Variants in ZMAT1 observed in about 807,000 individuals in gnomAD.
ZMAT1 encodes zinc finger matrin-type 1, also known as zinc finger matrin-type protein 1.
Under a neutral mutation model 18.5 loss-of-function variants are expected in ZMAT1, and 11 were observed. The observed-to-expected ratio is 0.59, with a 90% confidence interval of 0.37 to 0.98. ZMAT1 has a LOEUF of 0.98. Ranked by LOEUF, ZMAT1 falls within the 50% of genes least tolerant of loss-of-function variation. The pLI is 0.01. For missense variants in ZMAT1, 525 were observed against 496.2 expected (o/e 1.06, Z -0.55); for synonymous variants, 211 against 176.4 (o/e 1.20, Z -1.55).
At chrX:101,904,478 CAATTTAATATGCACATACT>C (rs1928464579) in intron 1 of ZMAT1, 148 bp from the exon 2 acceptor site, 5 of 433,225 alleles carry the variant, frequency 1.2e-5, no homozygotes, top group Non-Finnish European at 2.0e-5. Flanking sequence ...TTCGAGTGTG[CAATTTAATATGCACATACT>C]AAGTATCCCT....
intron 4 of ZMAT1, chrX:101,892,644 TG>T: frequency 1.7e-6 from 1 of 575,180 alleles, no homozygotes; most frequent in Non-Finnish European, 2.1e-6. Context: ...AGTGCAATAA[TG>T]GGGCCAAAAA....
intron 2 of ZMAT1, among the ~76,000 whole-genome samples, chrX:101,903,867 G>A (rs1928421599): frequency 8.9e-6 from 1 of 111,796 alleles, no homozygotes; most frequent in South Asian, 3.7e-4. Context: ...TGTTAAGGAA[G>A]ACTCTGGGAG....
At chrX:101,889,609 AATTG>A (rs1369618710) in intron 4 of ZMAT1, 1 of 111,951 alleles carries the variant, frequency 8.9e-6, no homozygotes, top group Non-Finnish European at 1.9e-5. Context: ...ATGGTAATTT[AATTG>A]ATTGGAGGGT....
intron 4 of ZMAT1, chrX:101,894,333 T>G: frequency 1.8e-6 from 1 of 570,928 alleles, no homozygotes; most frequent in Non-Finnish European, 2.1e-6. Flanking sequence ...CCTGAACTAA[T>G]GTGGGAAGCG....
chrX:101,909,668 T>C (rs1032569071), intron 1 of ZMAT1, among the ~76,000 whole-genome samples: 30 of 112,669 alleles, frequency 2.7e-4, no homozygotes, highest in Admixed American at 1.6e-3. Context: ...GCCGTGGCTA[T>C]GGGGTGAGGC....
chrX:101,911,218 T>C (rs147534129), intron 1 of ZMAT1, among the ~76,000 whole-genome samples: 3 of 111,621 alleles, frequency 2.7e-5, no homozygotes, highest in Non-Finnish European at 5.6e-5. Context: ...AGAAGTACTT[T>C]CCAAGACAAA....
At chrX:101,891,987 G>C (rs1927441783) in intron 4 of ZMAT1, among the ~76,000 whole-genome samples, 2 of 111,668 alleles carry the variant, frequency 1.8e-5, no homozygotes, top group Non-Finnish European at 3.8e-5. Flanking sequence ...GTTAAACCAA[G>C]ATACTTGGTA....
At chrX:101,895,729 G>T in intron 4 of ZMAT1, 1 of 362,698 alleles carries the variant, frequency 2.8e-6, no homozygotes, top group Non-Finnish European at 3.5e-6. Context: ...AAAGGAAGCA[G>T]GATAGAGCTT....
At chrX:101,919,703 A>T (rs1311903857) in intron 1 of ZMAT1, among the ~76,000 whole-genome samples, 5 of 112,023 alleles carry the variant, frequency 4.5e-5, no homozygotes, top group Non-Finnish European at 9.4e-5. Context: ...ATTTTGAACG[A>T]AACTTTAAAA....
chrX:101,908,047 G>C (rs1156757965), intron 1 of ZMAT1, among the ~76,000 whole-genome samples: 4 of 112,107 alleles, frequency 3.6e-5, no homozygotes, highest in Non-Finnish European at 5.6e-5. Context: ...ACTTTTAAAA[G>C]TGCATACTCA....
chrX:101,888,813 T>C (rs1927160693), intron 4 of ZMAT1: 1 of 112,180 alleles, frequency 8.9e-6, no homozygotes, highest in African/African-American at 3.2e-5. Flanking sequence ...ACGTGGCCCA[T>C]GGAAGCCGAA....
chrX:101,912,709 C>A (rs1254405464), intron 1 of ZMAT1, among the ~76,000 whole-genome samples: 1 of 111,935 alleles, frequency 8.9e-6, no homozygotes, highest in East Asian at 2.8e-4. Context: ...GGGTACATGG[C>A]AGCCAGTTAC....
At chrX:101,919,827 A>G (rs1477270940) in intron 1 of ZMAT1, among the ~76,000 whole-genome samples, 1 of 111,328 alleles carries the variant, frequency 9.0e-6, no homozygotes, top group Non-Finnish European at 1.9e-5. Flanking sequence ...GGGCTTCACA[A>G]GGGCATATGG....
chrX:101,912,099 TG>T (rs1365795097), intron 1 of ZMAT1: 1 of 1,024,529 alleles, frequency 9.8e-7, no homozygotes, highest in Non-Finnish European at 1.3e-6. Flanking sequence ...GCTGGGGACA[TG>T]GGAAGACCTT....
chrX:101,911,946 A>G, intron 1 of ZMAT1: 1 of 1,205,942 alleles, frequency 8.3e-7, no homozygotes, highest in African/African-American at 1.7e-5. Context: ...TCCTTTAGGC[A>G]GAGCACCCAC....
chrX:101,905,398 A>G (rs1928543748), intron 1 of ZMAT1, among the ~76,000 whole-genome samples: 1 of 112,623 alleles, frequency 8.9e-6, no homozygotes, highest in Non-Finnish European at 1.9e-5. Flanking sequence ...AAGAATTACA[A>G]TGTATTCTGC....
At chrX:101,897,478 T>A (rs963910173) in intron 4 of ZMAT1, among the ~76,000 whole-genome samples, 7 of 104,062 alleles carry the variant, frequency 6.7e-5, no homozygotes, top group Admixed American at 1.0e-4. Flanking sequence ...ACCCTAGAAC[T>A]TAAAGTATAA....
chrX:101,894,407 T>C (rs1220843340), intron 4 of ZMAT1: 9 of 751,401 alleles, frequency 1.2e-5, no homozygotes, highest in Middle Eastern at 7.6e-4. Context: ...TGGTGCTTCA[T>C]TAAATATATG....
At position 101,920,043 on chromosome X, in the gene ZMAT1, C is replaced by CTTT. The variant is rs34092477; in HGVS notation, c.292+11671_292+11673dup. Among the ~76,000 whole-genome samples the CTTT allele has an allele frequency of 2.9e-3, 270 of 93,932 alleles. 1 individual carries two copies. The highest frequency in any genetic ancestry group is 5.4e-3 in the African/African-American group (138 of 25,463). The allele number at this position is 93,932 out of a possible 115,157, so 81.6% of individuals were successfully genotyped here. ...ACAACAATCCTTTAGATTTATTACA[C>CTTT]TTTTTTTTTTTTTTTGAAACAAGGT... is the stretch of plus-strand genomic sequence containing the variant. On this transcript the variant is annotated intron_variant, in intron 1 of 5. Transcript: ENST00000651725.
Sources: allele counts gnomAD v4.1 joint callset (sites outside exome capture counted in the v4.1 genomes callset), GRCh38; gene constraint gnomAD v4.1.1; transcripts MANE v1.5; gene names NCBI Gene and HGNC (gene_info 2026-07-23, HGNC 2026-07-21).